The following RBM20 variants were observed in gnomAD, a reference collection of about 807,000 sequenced individuals.
RBM20 encodes the protein RNA binding motif protein 20, also known as RNA-binding protein 20.
RBM20 carries 51 observed loss-of-function variants against 110.1 expected under a neutral mutation model. The observed-to-expected ratio is 0.46, with a 90% CI of 0.37 to 0.59. RBM20 has a LOEUF of 0.59. Among genes scored for constraint, RBM20 ranks in the 20% least tolerant of loss-of-function variants. The pLI is 0.00. For synonymous variants in RBM20, 589 were observed against 618.2 expected, an observed-to-expected ratio of 0.95 and a Z score of 0.70; for missense variants, 1,512 against 1,574.9, an observed-to-expected ratio of 0.96 and a Z score of 0.68.
At chr10:110,716,704 G>A (rs1863022541) in intron 1 of RBM20, among the ~76,000 whole-genome samples, 1 of 152,052 alleles carries the variant, frequency 6.6e-6, no homozygotes, top group Non-Finnish European at 1.5e-5. Flanking sequence ...CTGAGGTCAG[G>A]AGATCAAGAT....
chr10:110,669,322 T>C (rs1862227075), intron 1 of RBM20, among the ~76,000 whole-genome samples: 1 of 152,158 alleles, frequency 6.6e-6, no homozygotes, highest in East Asian at 1.9e-4. Context: ...CAGGGTTGTC[T>C]TTTGGGGAAT....
intron 9 of RBM20, among the ~76,000 whole-genome samples, chr10:110,816,375 T>C (rs1408671500): frequency 3.8e-5 from 4 of 104,958 alleles, no homozygotes; most frequent in Non-Finnish European, 5.5e-5. Context: ...TCCCCACCAC[T>C]GCATACCATC....
intron 1 of RBM20, among the ~76,000 whole-genome samples, chr10:110,764,244 C>T (rs114220192): frequency 0.041 from 6,134 of 150,508 alleles, 383 homozygotes; most frequent in African/African-American, 0.14. Context: ...AATTTTCACC[C>T]GTGAAAACCC....
intron 5 of RBM20, among the ~76,000 whole-genome samples, chr10:110,794,873 C>CCAG (rs974733775): frequency 2.1e-4 from 32 of 152,320 alleles, no homozygotes; most frequent in African/African-American, 6.7e-4. Flanking sequence ...TTTCTACTAC[C>CCAG]CAGCAGCAGC....
intron 1 of RBM20, among the ~76,000 whole-genome samples, chr10:110,740,406 C>T (rs560744776): frequency 1.3e-5 from 2 of 152,116 alleles, no homozygotes; most frequent in East Asian, 3.9e-4. Context: ...TGGGGTAGTA[C>T]CAGCTTGGTC....
chr10:110,752,343 A>G (rs1843864399), intron 1 of RBM20, among the ~76,000 whole-genome samples: 1 of 152,186 alleles, frequency 6.6e-6, no homozygotes, highest in Admixed American at 6.5e-5. Flanking sequence ...TGTGTATTTA[A>G]GTTTACTCCA....
chr10:110,826,882 C>T (rs1206621678), intron 12 of RBM20, among the ~76,000 whole-genome samples: 1 of 152,128 alleles, frequency 6.6e-6, no homozygotes, highest in Non-Finnish European at 1.5e-5. Context: ...TGTGAGCCAC[C>T]GTGCCCGGCC....
intron 1 of RBM20, among the ~76,000 whole-genome samples, chr10:110,760,136 T>C (rs187666716): frequency 1.2e-4 from 19 of 152,340 alleles, no homozygotes; most frequent in Admixed American, 1.2e-3. Context: ...GACTGAACAA[T>C]GTGCTGGCGT....
chr10:110,793,965 G>A (rs910668736), intron 5 of RBM20, among the ~76,000 whole-genome samples: 3 of 152,188 alleles, frequency 2.0e-5, no homozygotes, highest in South Asian at 2.1e-4. Context: ...AAGAGAGCCC[G>A]GGTTGGGAAT....
Position 110,835,964 on chromosome 10 carries a change from A to G in RBM20, c.3670A>G (p.Arg1224Gly), listed in dbSNP as rs1329095529. The change falls in exon 14 of 14, where the codon AGG (arginine) becomes GGG (glycine). Residue 1224 changes from arginine to glycine, a missense_variant. Arg to Gly is a moderately radical substitution (Grantham distance 125, BLOSUM62 -2). Transcript: ENST00000369519. Reference protein sequence around the residue: ...EDSGIVPRFERKKL With the variant: ...EDSGIVPRFEGKKL Reference sequence around the variant, plus strand: ...CAGCGGAATCGTGCCACGCTTCGAAAGGAAAAAGCTCTGATGCTTCTGCTT... The same window carrying G: ...CAGCGGAATCGTGCCACGCTTCGAAGGGAAAAAGCTCTGATGCTTCTGCTT... 1 of 1,224,864 alleles carries G rather than the reference A, an allele frequency of 8.2e-7. No homozygotes were observed. Among genetic ancestry groups the G allele is most frequent in the Non-Finnish European group, 1.2e-6 (1 of 856,726 alleles). 75.9% of individuals were successfully genotyped at this position (1,224,864 alleles called of 1,614,324 possible).
intron 1 of RBM20, among the ~76,000 whole-genome samples, chr10:110,682,945 A>G (rs1408759243): frequency 6.6e-6 from 1 of 152,240 alleles, no homozygotes; most frequent in Non-Finnish European, 1.5e-5. Context: ...TCTGTAAGGA[A>G]GAGCTGTTGT....
At chr10:110,688,939 T>C (rs1862545337) in intron 1 of RBM20, among the ~76,000 whole-genome samples, 1 of 152,178 alleles carries the variant, frequency 6.6e-6, no homozygotes, top group South Asian at 2.1e-4. Context: ...GTTTTTTTTT[T>C]TAATCTCCTT....
At chr10:110,773,257 G>A (rs1305667478) in intron 1 of RBM20, among the ~76,000 whole-genome samples, 2 of 152,168 alleles carry the variant, frequency 1.3e-5, no homozygotes, top group African/African-American at 2.4e-5. Context: ...TCTATATATA[G>A]ATACAGGCAG....
chr10:110,822,046 C>A, intron 11 of RBM20, 111 bp downstream of exon 11: 2 of 1,068,528 alleles, frequency 1.9e-6, no homozygotes, highest in Non-Finnish European at 1.4e-6. Context: ...TTTCAACTAG[C>A]ATTAAAGTGG....
intron 1 of RBM20, among the ~76,000 whole-genome samples, chr10:110,731,303 C>G (rs1843619132): frequency 6.6e-6 from 1 of 152,160 alleles, no homozygotes; most frequent in Non-Finnish European, 1.5e-5. Flanking sequence ...AATTTCCCTG[C>G]TTTATTCCTT....
At position 110,820,085 on chromosome 10, in the gene RBM20, A is replaced by G. The variant is rs1844888272; in HGVS notation, c.2564A>G (p.Glu855Gly). The G allele has an allele frequency of 6.5e-7, 1 of 1,549,872 alleles. No homozygotes were observed. Among genetic ancestry groups the G allele is most frequent in the South Asian group, 1.2e-5 (1 of 83,818 alleles). Residue 855 changes from glutamate (E) to glycine (G), a missense_variant, in exon 10 of 14, where the codon GAA (glutamate) becomes GGA (glycine). Coordinates refer to ENST00000369519, the MANE Select transcript of RBM20 (RefSeq NM_001134363.3). ...TCCTTTGATAAGGCTGGAAAAGAGG[A>G]ACAGGAGGGCATGGAAGAAAGCCCT... Reference protein sequence around the residue: ...TMAENEAGKEEQEGMEESPQS... With the variant: ...TMAENEAGKEGQEGMEESPQS...
chr10:110,815,891 C>T (rs1411219569), intron 9 of RBM20, among the ~76,000 whole-genome samples: 2 of 152,132 alleles, frequency 1.3e-5, no homozygotes, highest in African/African-American at 4.8e-5. Context: ...TACTGGGGCC[C>T]CTCACAGATT....
chr10:110,822,013 G>A (rs1844921005), intron 11 of RBM20, 78 bp downstream of exon 11: 1 of 1,370,266 alleles, frequency 7.3e-7, no homozygotes, highest in African/African-American at 1.4e-5. Flanking sequence ...AGCATGTGCA[G>A]GCTGGAATGA....
chr10:110,679,971 C>T (rs904213084), intron 1 of RBM20, among the ~76,000 whole-genome samples: 2 of 152,248 alleles, frequency 1.3e-5, no homozygotes, highest in Non-Finnish European at 2.9e-5. Context: ...TGGACTGACA[C>T]TGCCCCTTTT....
Sources: gnomAD v4.1 joint callset for allele counts (sites outside exome capture counted in the v4.1 genomes callset) on GRCh38, gnomAD v4.1.1 for gene constraint, MANE v1.5 for transcripts, NCBI Gene and HGNC (gene_info 2026-07-23, HGNC 2026-07-21) for gene names.